The following FOXP1 variants were observed in gnomAD, a reference collection of about 807,000 sequenced individuals.
FOXP1 encodes forkhead box P1.
A neutral mutation model predicts 98.2 loss-of-function variants in FOXP1; 15 were observed. That is an observed-to-expected ratio of 0.15 (90% CI 0.10 to 0.24). The LOEUF is 0.24. FOXP1 is among the 10% of genes least tolerant of loss of function. The probability of loss-of-function intolerance (pLI) is 1.00; values close to 1 mark genes in which losing one functional copy is unlikely to be tolerated. For missense variants in FOXP1, 633 were observed against 848.5 expected, an observed-to-expected ratio of 0.75 and a Z score of 3.15; for synonymous variants, 371 against 314.5, an observed-to-expected ratio of 1.18 and a Z score of -1.90.
chr3:71,566,884 C>T (rs1323956920), intron 2 of FOXP1, among the ~76,000 whole-genome samples: 2 of 152,066 alleles, frequency 1.3e-5, no homozygotes, highest in Non-Finnish European at 2.9e-5. Flanking sequence ...CTAATAATCT[C>T]ATCACACCCC....
intron 3 of FOXP1, among the ~76,000 whole-genome samples, chr3:71,451,663 G>A (rs1186966908): frequency 6.6e-6 from 1 of 152,110 alleles, no homozygotes; most frequent in African/African-American, 2.4e-5. Context: ...TGCTTCGATA[G>A]GCTAACATCA....
At chr3:71,487,455 C>T (rs923268050) in intron 3 of FOXP1, among the ~76,000 whole-genome samples, 4 of 152,138 alleles carry the variant, frequency 2.6e-5, no homozygotes, top group African/African-American at 9.7e-5. Flanking sequence ...CTGCAAAGAT[C>T]GCTCAAAAGC....
chr3:71,574,006 T>C (rs540050656), intron 2 of FOXP1: 11 of 152,342 alleles, frequency 7.2e-5, no homozygotes, highest in Admixed American at 2.0e-4. Flanking sequence ...TCCTCTACCA[T>C]TGCGCCGTCT....
At chr3:71,214,188 A>G (rs2064734420) in intron 5 of FOXP1, among the ~76,000 whole-genome samples, 1 of 152,226 alleles carries the variant, frequency 6.6e-6, no homozygotes, top group South Asian at 2.1e-4. Context: ...CCGCCCATCC[A>G]TCCATGTGCT....
intron 2 of FOXP1, among the ~76,000 whole-genome samples, chr3:71,557,770 T>C (rs1346833988): frequency 2.0e-5 from 3 of 152,228 alleles, no homozygotes; most frequent in East Asian, 1.9e-4. Flanking sequence ...TTGCCCATGC[T>C]TCCCCACCCA....
At chr3:71,055,385 C>T (rs2050482058) in intron 7 of FOXP1, among the ~76,000 whole-genome samples, 1 of 152,178 alleles carries the variant, frequency 6.6e-6, no homozygotes, top group Non-Finnish European at 1.5e-5. Context: ...GAAGGTCATC[C>T]ATGAATTCTT....
intron 20 of FOXP1, among the ~76,000 whole-genome samples, chr3:70,965,446 G>C (rs529673721): frequency 1.3e-5 from 2 of 152,330 alleles, no homozygotes; most frequent in South Asian, 4.1e-4. Context: ...ATCATTAATG[G>C]TTGGTAATAA....
rs146257129 is a variant in FOXP1, at chr3:71,225,557, G to A, written c.-11-27165C>T. ...GAGCTGTCATAATTGCTAATGCTAC[G>A]GATTTGTTCCCTGTAGAATTCTGTA... On this transcript the variant is annotated intron_variant, in intron 5 of 20. Coordinates refer to ENST00000649528, the MANE Select transcript of FOXP1 (RefSeq NM_001349338.3). 9.9e-3 allele frequency among the ~76,000 whole-genome samples: 1,508 copies of A among 152,214 alleles called. 26 individuals carry two copies. Among genetic ancestry groups the A allele is most frequent in the African/African-American group, 0.034 (1,423 of 41,522 alleles).
At chr3:71,450,419 A>G (rs1485594167) in intron 3 of FOXP1, among the ~76,000 whole-genome samples, 1 of 152,196 alleles carries the variant, frequency 6.6e-6, no homozygotes, top group Admixed American at 6.5e-5. Context: ...TTGCCAGTGA[A>G]TGCCACTCTC....
At chr3:71,567,569 G>A (rs568471545) in intron 2 of FOXP1, among the ~76,000 whole-genome samples, 1 of 152,172 alleles carries the variant, frequency 6.6e-6, no homozygotes, top group Admixed American at 6.5e-5. Flanking sequence ...TACCCTTAGG[G>A]AAGCTGTTAG....
intron 7 of FOXP1, among the ~76,000 whole-genome samples, chr3:71,070,038 C>T (rs2053026824): frequency 6.6e-6 from 1 of 152,198 alleles, no homozygotes; most frequent in Non-Finnish European, 1.5e-5. Flanking sequence ...CTTCTTTACG[C>T]CTGCCCTCTG....
intron 7 of FOXP1, among the ~76,000 whole-genome samples, chr3:71,111,812 A>G (rs1013316560): frequency 6.6e-6 from 1 of 152,236 alleles, no homozygotes; most frequent in Non-Finnish European, 1.5e-5. Context: ...TTACATAAAA[A>G]TTTCTTGCCA....
At chr3:71,298,360 G>A (rs187815551) in intron 5 of FOXP1, among the ~76,000 whole-genome samples, 3 of 152,208 alleles carry the variant, frequency 2.0e-5, no homozygotes, top group Admixed American at 6.5e-5. Context: ...AGCTACTCAG[G>A]AGGGTGGGGC....
At chr3:71,279,804 T>A (rs1560231870) in intron 5 of FOXP1, among the ~76,000 whole-genome samples, 1 of 152,116 alleles carries the variant, frequency 6.6e-6, no homozygotes. Context: ...AAAACTGTTA[T>A]GTGTCTATAC....
rs189975378 is a variant in FOXP1, at chr3:70,958,404, T to C, written c.*843A>G. 8 of 490,508 alleles carry C rather than the reference T, an allele frequency of 1.6e-5. No homozygotes were observed. The highest frequency in any genetic ancestry group is 3.0e-4 in the Middle Eastern group (1 of 3,312). The allele number at this position is 490,508 out of a possible 1,614,324, so 30.4% of individuals were successfully genotyped here. On this transcript the variant is annotated 3_prime_UTR_variant, in exon 21 of 21. Coordinates refer to ENST00000649528, the MANE Select transcript of FOXP1 (RefSeq NM_001349338.3). ...GTAGAGTGCAGCATTTGGGACCTTT[T>C]TGAAAAAGACCAAAACGGAATGTTT...
At chr3:71,258,372 A>G (rs1219790735) in intron 5 of FOXP1, among the ~76,000 whole-genome samples, 1 of 152,238 alleles carries the variant, frequency 6.6e-6, no homozygotes, top group Non-Finnish European at 1.5e-5. Context: ...AGGAAGCAGT[A>G]ACAGGAGCTA....
intron 4 of FOXP1, among the ~76,000 whole-genome samples, chr3:71,347,939 G>A (rs2077476825): frequency 6.6e-6 from 1 of 151,472 alleles, no homozygotes; most frequent in Non-Finnish European, 1.5e-5. Context: ...CAGTCCAAGA[G>A]CCCCGGTGGA....
At chr3:71,115,707 A>G (rs1232910207) in intron 6 of FOXP1, among the ~76,000 whole-genome samples, 1 of 151,484 alleles carries the variant, frequency 6.6e-6, no homozygotes, top group East Asian at 2.0e-4. Flanking sequence ...GTCTTTAAGA[A>G]AAACATTCAC....
chr3:71,026,970 C>G (rs1208551244), intron 11 of FOXP1, among the ~76,000 whole-genome samples: 2 of 152,190 alleles, frequency 1.3e-5, no homozygotes, highest in African/African-American at 2.4e-5. Flanking sequence ...AGAGGTCCAT[C>G]TTTTGTTTCT....
Sources: gnomAD v4.1 joint callset for allele counts (sites outside exome capture counted in the v4.1 genomes callset) on GRCh38, gnomAD v4.1.1 for gene constraint, MANE v1.5 for transcripts, NCBI Gene and HGNC (gene_info 2026-07-23, HGNC 2026-07-21) for gene names.